The following VEPH1 variants were observed in gnomAD, a reference collection of about 807,000 sequenced individuals.
VEPH1 encodes the protein ventricular zone expressed PH domain containing 1, also known as ventricular zone-expressed PH domain-containing protein homolog 1.
VEPH1 carries 80 observed loss-of-function variants against 85.2 expected under a neutral mutation model. The observed-to-expected ratio is 0.94, with a 90% CI of 0.78 to 1.13. VEPH1 has a LOEUF of 1.13. Among genes scored for constraint, VEPH1 ranks in the 50% most tolerant of loss-of-function variants. VEPH1 has a pLI of 0.00. For synonymous variants in VEPH1, 297 were observed against 348.0 expected, an observed-to-expected ratio of 0.85 and a Z score of 1.63; for missense variants, 955 against 980.5, an observed-to-expected ratio of 0.97 and a Z score of 0.35.
intron 3 of VEPH1, among the ~76,000 whole-genome samples, chr3:157,464,702 T>C (rs1003360625): frequency 1.3e-5 from 2 of 152,188 alleles, no homozygotes; most frequent in South Asian, 4.1e-4. Flanking sequence ...TTTTTGAAAA[T>C]GCACTTTGGG....
chr3:157,310,560 C>T (rs1016461380), intron 11 of VEPH1, among the ~76,000 whole-genome samples: 5 of 152,164 alleles, frequency 3.3e-5, no homozygotes, highest in African/African-American at 7.2e-5. Context: ...AGGCAGGTTA[C>T]GCTGCTATAA....
At chr3:157,368,398 G>T (rs2108795094) in intron 7 of VEPH1, among the ~76,000 whole-genome samples, 1 of 152,356 alleles carries the variant, frequency 6.6e-6, no homozygotes, top group Admixed American at 6.5e-5. Context: ...CAAGAGGGCA[G>T]GTTGGGTGCC....
At chr3:157,490,878 T>C (rs370876951) in intron 2 of VEPH1, among the ~76,000 whole-genome samples, 1 of 151,918 alleles carries the variant, frequency 6.6e-6, no homozygotes, top group East Asian at 1.9e-4. Context: ...ATAATAAATA[T>C]AAACCAAAAA....
intron 5 of VEPH1, among the ~76,000 whole-genome samples, chr3:157,423,913 A>AT (rs147202683): frequency 0.021 from 3,146 of 151,702 alleles, 124 homozygotes; most frequent in African/African-American, 0.072. Context: ...TTAAGCATTG[A>AT]TTTTTTTTTC....
intron 7 of VEPH1, among the ~76,000 whole-genome samples, chr3:157,366,036 C>G (rs1726654074): frequency 6.6e-6 from 1 of 152,144 alleles, no homozygotes; most frequent in South Asian, 2.1e-4. Flanking sequence ...ATGCCTTGGT[C>G]CTTCCTGTGA....
intron 4 of VEPH1, chr3:157,437,068 G>A (rs1298349248): frequency 3.7e-6 from 6 of 1,613,784 alleles, no homozygotes; most frequent in Non-Finnish European, 4.2e-6. Context: ...AGGACCGTAA[G>A]TTCACTTTAA....
chr3:157,494,619 G>A (rs1473939819), intron 2 of VEPH1, among the ~76,000 whole-genome samples: 4 of 152,198 alleles, frequency 2.6e-5, no homozygotes, highest in African/African-American at 9.6e-5. Context: ...TTAAATGGCA[G>A]GTCCAGGGAG....
intron 12 of VEPH1, chr3:157,286,225 TAAAG>T: frequency 4.1e-6 from 1 of 241,156 alleles, no homozygotes; most frequent in Non-Finnish European, 8.2e-6. Flanking sequence ...CTCATTTCCT[TAAAG>T]AACACATCTT....
At chr3:157,344,197 G>A (rs1723932558) in intron 9 of VEPH1, among the ~76,000 whole-genome samples, 1 of 152,118 alleles carries the variant, frequency 6.6e-6, no homozygotes, top group African/African-American at 2.4e-5. Context: ...GCAGGAGAAA[G>A]AAATAAAGGG....
At chr3:157,265,500 G>A in intron 13 of VEPH1, 26 bp downstream of exon 13, 1 of 1,605,982 alleles carries the variant, frequency 6.2e-7, no homozygotes, top group Non-Finnish European at 8.5e-7. Flanking sequence ...AAAAATGCAA[G>A]TGTAAAAGAT....
intron 9 of VEPH1, among the ~76,000 whole-genome samples, chr3:157,327,154 C>A (rs1295268837): frequency 2.0e-5 from 3 of 152,050 alleles, no homozygotes; most frequent in Non-Finnish European, 2.9e-5. Flanking sequence ...TGAAAAAAAA[C>A]CATTATCCTT....
In VEPH1 at chr3:157,473,728, T is replaced by C. The variant is rs139989164; in HGVS notation, c.139-3199A>G. On this transcript the variant is annotated intron_variant, in intron 2 of 13. Coordinates refer to ENST00000362010, the MANE Select transcript of VEPH1 (RefSeq NM_001167912.2). ...TACATATTTGATTTAATTTCCCTAG[T>C]AAGCATTATGCTGGCTTTTTGGGTG... 1.1e-3 allele frequency among the ~76,000 whole-genome samples: 166 copies of C among 152,300 alleles called. 1 individual carries two copies. Among genetic ancestry groups the C allele is most frequent in the Non-Finnish European group, 2.1e-3 (140 of 68,008 alleles).
At chr3:157,460,026 C>G (rs758219881) in intron 4 of VEPH1, 155 bp downstream of exon 4, 1 of 1,563,052 alleles carries the variant, frequency 6.4e-7, no homozygotes, top group Admixed American at 1.9e-5. Flanking sequence ...ATTAAGTAAC[C>G]TTTTGCATGT....
intron 12 of VEPH1, among the ~76,000 whole-genome samples, chr3:157,277,099 T>G (rs988872097): frequency 5.9e-5 from 9 of 152,092 alleles, no homozygotes; most frequent in African/African-American, 2.2e-4. Context: ...CCATATTGCT[T>G]AAGCTGATCT....
At chr3:157,318,746 T>C (rs772688184) in intron 9 of VEPH1, among the ~76,000 whole-genome samples, 1 of 151,944 alleles carries the variant, frequency 6.6e-6, no homozygotes, top group Non-Finnish European at 1.5e-5. Flanking sequence ...CTAGAGTTAG[T>C]TGAAAGTCGA....
At chr3:157,489,897 T>C (rs1296632796) in intron 2 of VEPH1, among the ~76,000 whole-genome samples, 3 of 152,060 alleles carry the variant, frequency 2.0e-5, no homozygotes, top group African/African-American at 7.2e-5. Context: ...GAATCATTTA[T>C]GTTATAACCA....
At chr3:157,316,646 A>C (rs1345846709) in intron 10 of VEPH1, among the ~76,000 whole-genome samples, 2 of 151,906 alleles carry the variant, frequency 1.3e-5, no homozygotes, top group African/African-American at 4.8e-5. Context: ...TATTCTATAG[A>C]AAAAAGAGAC....
chr3:157,262,456 T>C (rs1457136966), intron 13 of VEPH1, among the ~76,000 whole-genome samples: 2 of 152,060 alleles, frequency 1.3e-5, no homozygotes, highest in Non-Finnish European at 2.9e-5. Flanking sequence ...TAAATTTCAA[T>C]TTATACATAT....
At chr3:157,425,258 T>C (rs1390275496) in intron 5 of VEPH1, among the ~76,000 whole-genome samples, 1 of 152,190 alleles carries the variant, frequency 6.6e-6, no homozygotes, top group Non-Finnish European at 1.5e-5. Context: ...TCAGAGGCTG[T>C]ATGGAAATGC....
Sources: allele counts gnomAD v4.1 joint callset (sites outside exome capture counted in the v4.1 genomes callset), GRCh38; gene constraint gnomAD v4.1.1; transcripts MANE v1.5; gene names NCBI Gene and HGNC (gene_info 2026-07-23, HGNC 2026-07-21).